BTN3A3: variants seen among roughly 807,000 people sequenced by gnomAD.
The protein encoded by BTN3A3 is butyrophilin subfamily 3 member A3.
BTN3A3 carries 39 observed loss-of-function variants against 43.2 expected under a neutral mutation model. The ratio of observed to expected loss-of-function variants is 0.90; its 90% CI spans 0.70 to 1.18. BTN3A3 has a LOEUF of 1.18. BTN3A3 is among the 50% of genes most tolerant of loss of function. The pLI, the probability that BTN3A3 is intolerant of heterozygous loss-of-function variation, is 0.00. For missense variants in BTN3A3, 631 were observed against 722.8 expected, an observed-to-expected ratio of 0.87 and a Z score of 1.46; for synonymous variants, 255 against 272.7, an observed-to-expected ratio of 0.93 and a Z score of 0.64.
rs778536905 is a variant in BTN3A3 at position 26,445,847 on chromosome 6, C to A, written c.577C>A (p.Pro193Thr). The A allele has an allele frequency of 2.1e-5, 34 of 1,614,076 alleles. No individual in the cohort carries two copies. Among genetic ancestry groups the A allele is most frequent in the Middle Eastern group, 1.6e-4 (1 of 6,084 alleles). Residue 193 changes from proline to threonine, a missense_variant, in exon 5 of 11, where the codon CCT becomes ACT. Around this residue, in one of 2 missense-constraint regions of BTN3A3, gnomAD observed 551 missense variants for 584.0 expected, o/e 0.94. Transcript: ENST00000244519. ...AGAGAACATCCCGGCTGTGGAAGCA[C>A]CTGTGGTTGCAGATGGAGTGGGCCT... ...KGENIPAVEA[P>T]VVADGVGLYA...
Position 26,452,304 on chromosome 6 carries a change from G to A in BTN3A3, c.1648G>A (p.Glu550Lys). Residue 550 changes from glutamate to lysine, a missense_variant, in exon 11 of 11, where the codon GAA (glutamate) becomes AAA (lysine). Physicochemically the swap from Glu to Lys is moderately conservative, Grantham distance 56. Around this residue, in one of 2 missense-constraint regions of BTN3A3, gnomAD observed 551 missense variants for 584.0 expected, o/e 0.94. Coordinates refer to ENST00000244519, the MANE Select transcript of BTN3A3 (RefSeq NM_006994.5). ...LANESGEPQA[E>K]VTSLLLPAHP... The stretch of plus-strand genomic sequence containing the variant: ...TAATGAAAGTGGGGAGCCTCAGGCT[G>A]AAGTAACATCTCTGCTTCTCCCTGC... 1 of 1,613,952 alleles carries A rather than the reference G, an allele frequency of 6.2e-7. No homozygotes were observed. The highest frequency in any genetic ancestry group is 8.5e-7 in the Non-Finnish European group (1 of 1,180,016).
chr6:26,451,812 G>A lies in BTN3A3; in HGVS notation c.1156G>A (p.Gly386Ser), dbSNP rs367977572. ...ERFEWRYCVL[G>S]CENFTSGRHY... ...ATTTGAATGGCGTTACTGTGTCCTTGGCTGTGAAAACTTCACATCAGGGAG... is the reference window on the plus strand; with the variant it reads ...ATTTGAATGGCGTTACTGTGTCCTTAGCTGTGAAAACTTCACATCAGGGAG... Residue 386 changes from glycine (G) to serine (S), a missense_variant, in exon 11 of 11, where the codon GGC (glycine) becomes AGC (serine). By Grantham distance (56) the Gly-to-Ser change is moderately conservative. This residue lies in a region of BTN3A3 where 551 missense variants were observed against 584.0 expected (regional missense o/e 0.94). Coordinates refer to ENST00000244519, the MANE Select transcript of BTN3A3 (RefSeq NM_006994.5). 2 of 1,613,886 alleles carry A rather than the reference G, an allele frequency of 1.2e-6. No homozygotes were observed. The highest frequency in any genetic ancestry group is 2.7e-5 in the African/African-American group (2 of 74,880).
At chr6:26,451,123 C>T (rs1762919441) in intron 10 of BTN3A3, among the ~76,000 whole-genome samples, 1 of 152,146 alleles carries the variant, frequency 6.6e-6, no homozygotes, top group Non-Finnish European at 1.5e-5. Flanking sequence ...GACGGCCTTG[C>T]AGCTATTAGA....
intron 8 of BTN3A3, 69 bp downstream of exon 8, chr6:26,448,823 T>C: frequency 3.1e-6 from 5 of 1,589,670 alleles, no homozygotes; most frequent in Non-Finnish European, 4.3e-6. Flanking sequence ...TTGGAAATTT[T>C]CCAGCCCATA....
intron 1 of BTN3A3, among the ~76,000 whole-genome samples, chr6:26,442,751 C>T (rs1296123279): frequency 6.6e-6 from 1 of 152,184 alleles, no homozygotes; most frequent in African/African-American, 2.4e-5. Flanking sequence ...CTAGACTAGA[C>T]ATCAGAAAGT....
Position 26,444,074 on chromosome 6 carries a change from T to G in BTN3A3, c.203T>G (p.Val68Gly), listed in dbSNP as rs752717359. Reference sequence around the variant, plus strand: ...GCAGAGACCATGGAGCTGAGGTGGGTGAGTTCCAGCCTAAGGCAGGTGGTG... The same window carrying G: ...GCAGAGACCATGGAGCTGAGGTGGGGGAGTTCCAGCCTAAGGCAGGTGGTG... The part of the protein sequence containing the change: ...MSAETMELRW[V>G]SSSLRQVVNV... Residue 68 changes from valine to glycine, a missense_variant, in exon 4 of 11, where the codon GTG becomes GGG. Coordinates refer to ENST00000244519, the MANE Select transcript of BTN3A3 (RefSeq NM_006994.5). 48 of 1,613,750 alleles carry G rather than the reference T, an allele frequency of 3.0e-5. 1 individual carries two copies. The Admixed American group carries it at 7.7e-4, about 26-fold the overall frequency.
intron 4 of BTN3A3, 191 bp downstream of exon 4, chr6:26,444,495 C>T (rs1205033991): frequency 7.9e-5 from 73 of 925,600 alleles, no homozygotes; most frequent in Non-Finnish European, 2.2e-5. Flanking sequence ...CCTGCTGTAC[C>T]TTACATGCCG....
intron 5 of BTN3A3, among the ~76,000 whole-genome samples, chr6:26,447,387 G>C (rs12208329): frequency 0.17 from 25,743 of 152,066 alleles, 2,264 homozygotes; most frequent in South Asian, 0.22. Context: ...TTTAGAGACA[G>C]AGTCTCACTC....
chr6:26,450,051 T>C, intron 9 of BTN3A3, 56 bp from the exon 10 acceptor site: 1 of 1,558,314 alleles, frequency 6.4e-7, no homozygotes, highest in East Asian at 2.2e-5. Context: ...GAGAATGGAG[T>C]GGAGAAAAGA....
intron 1 of BTN3A3, among the ~76,000 whole-genome samples, chr6:26,442,012 A>G (rs1762648982): frequency 6.6e-6 from 1 of 152,208 alleles, no homozygotes; most frequent in Admixed American, 6.5e-5. Flanking sequence ...GTTTTGAGGA[A>G]CAGAAGATGT....
chr6:26,442,062 C>A (rs952081753), intron 1 of BTN3A3, among the ~76,000 whole-genome samples: 1 of 152,126 alleles, frequency 6.6e-6, no homozygotes, highest in South Asian at 2.1e-4. Context: ...AAGATCCAGG[C>A]GAGGGTGGAG....
intron 4 of BTN3A3, chr6:26,444,541 A>G: frequency 1.5e-6 from 1 of 661,062 alleles, no homozygotes; most frequent in South Asian, 2.0e-5. Flanking sequence ...AACCAGAGAT[A>G]TAAGGGAAAT....
intron 6 of BTN3A3, 36 bp downstream of exon 6, chr6:26,448,484 T>G: frequency 6.2e-7 from 1 of 1,609,076 alleles, no homozygotes; most frequent in Non-Finnish European, 8.5e-7. Context: ...AGCCCCTGGC[T>G]TGCATGCCCC....
chr6:26,447,845 C>T (rs1435687205), intron 5 of BTN3A3, among the ~76,000 whole-genome samples: 1 of 152,078 alleles, frequency 6.6e-6, no homozygotes, highest in Non-Finnish European at 1.5e-5. Context: ...CAGTTTATGT[C>T]CCTAAGCATC....
At chr6:26,450,233 G>T in intron 10 of BTN3A3, 100 bp downstream of exon 10, 1 of 1,424,494 alleles carries the variant, frequency 7.0e-7, no homozygotes, top group Non-Finnish European at 9.8e-7. Context: ...AAGTTCCCTT[G>T]ACTAAGAAAG....
rs369331349 is a variant in BTN3A3, at chr6:26,452,301, G to A, written c.1645G>A (p.Ala549Thr). ...GLANESGEPQ[A>T]EVTSLLLPAH... ...AGCTAATGAAAGTGGGGAGCCTCAG[G>A]CTGAAGTAACATCTCTGCTTCTCCC... Residue 549 changes from alanine to threonine, a missense_variant, in exon 11 of 11, where the codon GCT becomes ACT. Physicochemically the swap from Ala to Thr is moderately conservative, Grantham distance 58. Around this residue, in one of 2 missense-constraint regions of BTN3A3, gnomAD observed 551 missense variants for 584.0 expected, o/e 0.94. Coordinates refer to ENST00000244519, the MANE Select transcript of BTN3A3 (RefSeq NM_006994.5). 7 of 1,613,854 alleles carry A rather than the reference G, an allele frequency of 4.3e-6. No individual in the cohort carries two copies. Among genetic ancestry groups the A allele is most frequent in the East Asian group, 2.2e-5 (1 of 44,896 alleles).
At position 26,451,734 on chromosome 6, in the gene BTN3A3, A is replaced by G. The variant is rs149504053; in HGVS notation, c.1078A>G (p.Arg360Gly). Residue 360 changes from arginine (R) to glycine (G), a missense_variant, in exon 11 of 11, where the codon AGG (arginine) becomes GGG (glycine). Around this residue, in one of 2 missense-constraint regions of BTN3A3, gnomAD observed 551 missense variants for 584.0 expected, o/e 0.94. Transcript: ENST00000244519. ...NAILLVSEDQ[R>G]SVQRAEEPRD... ...CATCCTCCTTGTTTCTGAGGACCAG[A>G]GGAGTGTGCAGCGTGCTGAAGAGCC... 1.9e-6 allele frequency: 3 copies of G among 1,614,054 alleles called. No individual in the cohort carries two copies. The African/African-American group carries it at 4.0e-5, about 22-fold the overall frequency.
At position 26,451,694 on chromosome 6, in the gene BTN3A3, A is replaced by G; in HGVS notation, c.1038A>G (p.Pro346=). 9.9e-6 allele frequency: 16 copies of G among 1,612,922 alleles called. No individual in the cohort carries two copies. The highest frequency in any genetic ancestry group is 1.4e-5 in the Non-Finnish European group (16 of 1,179,148). Residue 346 remains proline, a synonymous_variant, in exon 11 of 11, where the codon CCA becomes CCG. Transcript: ENST00000244519. ...CTGCAGCGGATGTGATTCTGGATCC[A>G]GACACGGCAAACGCCATCCTCCTTG... ...LFKPADVILD[P]DTANAILLVS...
At chr6:26,441,165 C>T (rs187100224) in intron 1 of BTN3A3, among the ~76,000 whole-genome samples, 93 of 152,194 alleles carry the variant, frequency 6.1e-4, no homozygotes, top group African/African-American at 2.1e-3. Flanking sequence ...ACAAACAGTG[C>T]GTGGCTCTAT....
Sources: gnomAD v4.1 joint callset for allele counts (sites outside exome capture counted in the v4.1 genomes callset) on GRCh38, gnomAD v4.1.1 for gene constraint, gnomAD v4.1.1 regional missense constraint, MANE v1.5 for transcripts, NCBI Gene and HGNC (gene_info 2026-07-23, HGNC 2026-07-21) for gene names.